Variants in KIF21A observed in about 807,000 individuals in gnomAD.
KIF21A encodes the protein kinesin family member 21A.
KIF21A carries 114 observed loss-of-function variants against 202.9 expected under a neutral mutation model. The ratio of observed to expected loss-of-function variants is 0.56; its 90% CI spans 0.48 to 0.66. The LOEUF is 0.66. KIF21A is among the 30% of genes least tolerant of loss of function. The pLI is 0.00. For synonymous variants in KIF21A, 667 were observed against 670.8 expected (o/e 0.99, Z 0.09); for missense variants, 1,677 against 1,994.9 (o/e 0.84, Z 3.04).
rs777605261 is a variant in KIF21A at position 39,333,225 on chromosome 12, C to T, written c.2474G>A (p.Arg825His). The change falls in exon 18 of 38, where the codon CGC (arginine) becomes CAC (histidine). Residue 825 changes from arginine to histidine, a missense_variant. Physicochemically the swap from Arg to His is conservative, Grantham distance 29. Around this residue, in one of 3 missense-constraint regions of KIF21A, gnomAD observed 966 missense variants for 1,180.9 expected, o/e 0.82. Transcript: ENST00000361418. ...QKRNQEVVLR[R>H]KTEEVTALRR... ...TGCTTACTGTACCTCTTCAGTTTTGCGACGTAGAACCACTTCTTGGTTTCT... is the reference window on the plus strand; with the variant it reads ...TGCTTACTGTACCTCTTCAGTTTTGTGACGTAGAACCACTTCTTGGTTTCT... 27 of 1,613,408 alleles carry T rather than the reference C, an allele frequency of 1.7e-5. No homozygotes were observed. The highest frequency in any genetic ancestry group is 6.7e-5 in the African/African-American group (5 of 74,890).
At chr12:39,344,907 C>G (rs577504227) in intron 12 of KIF21A, among the ~76,000 whole-genome samples, 1 of 152,156 alleles carries the variant, frequency 6.6e-6, no homozygotes, top group South Asian at 2.1e-4. Flanking sequence ...ATTTGACAAA[C>G]AAAAAGGGAA....
chr12:39,323,378 T>G (rs1945501928), intron 26 of KIF21A, among the ~76,000 whole-genome samples: 1 of 152,138 alleles, frequency 6.6e-6, no homozygotes, highest in Non-Finnish European at 1.5e-5. Context: ...AAAAGATAAT[T>G]GCAGGAAAGC....
At chr12:39,430,562 G>A (rs1284696399) in intron 1 of KIF21A, among the ~76,000 whole-genome samples, 15 of 146,328 alleles carry the variant, frequency 1.0e-4, no homozygotes, top group Admixed American at 1.0e-3. Context: ...GCAAGACTTC[G>A]TCTCAAAAAA....
intron 36 of KIF21A, among the ~76,000 whole-genome samples, chr12:39,301,945 G>A (rs1042141540): frequency 6.6e-6 from 1 of 152,092 alleles, no homozygotes; most frequent in Non-Finnish European, 1.5e-5. Flanking sequence ...AAAATACATA[G>A]AACTTTCGAG....
intron 28 of KIF21A, 36 bp downstream of exon 28, chr12:39,319,870 A>G: frequency 8.3e-7 from 1 of 1,198,758 alleles, no homozygotes; most frequent in Non-Finnish European, 1.2e-6. Context: ...CAGGCATTTA[A>G]TACAGTCTAG....
In KIF21A at chr12:39,429,436, A is replaced by C. The variant is rs1955012308; in HGVS notation, c.44+13491T>G. Among the ~76,000 whole-genome samples, 2 of 152,208 alleles carry C rather than the reference A, an allele frequency of 1.3e-5. 1 individual carries two copies. ...TCAAGGTCACATATTATCAAATATAAATGCACTATTATCATCCCTTTTCTT... is the reference window on the plus strand; with the variant it reads ...TCAAGGTCACATATTATCAAATATACATGCACTATTATCATCCCTTTTCTT... On this transcript the variant is annotated intron_variant, in intron 1 of 37. Coordinates refer to ENST00000361418, the MANE Select transcript of KIF21A (RefSeq NM_001173464.2).
intron 1 of KIF21A, among the ~76,000 whole-genome samples, chr12:39,410,779 AAAT>A (rs1048057088): frequency 6.6e-6 from 1 of 152,142 alleles, no homozygotes; most frequent in African/African-American, 2.4e-5. Flanking sequence ...AGAAACATCT[AAAT>A]AATAATAATA....
chr12:39,439,037 GATT>G lies in KIF21A; in HGVS notation c.44+3887_44+3889del, dbSNP rs1939206608. 2.6e-5 allele frequency among the ~76,000 whole-genome samples: 4 copies of G among 152,206 alleles called. No individual in the cohort carries two copies. In the South Asian group the frequency reaches 8.3e-4, roughly 31 times the overall value. ...ACATTTCCTAGGAAAACAGCTACCT[GATT>G]ATTGAGTCAAAATCCATACCTTCCT... is the stretch of plus-strand genomic sequence containing the variant. On this transcript the variant is annotated intron_variant, in intron 1 of 37. Coordinates refer to ENST00000361418, the MANE Select transcript of KIF21A (RefSeq NM_001173464.2).
At position 39,322,793 on chromosome 12, in the gene KIF21A, C is replaced by T; in HGVS notation, c.3546G>A (p.Leu1182=). ...ASDTSTGDAS[L]PGPLTPVAEG... is the part of the protein sequence containing the mutation. ...CTGCAACAGGTGTGAGAGGGCCAGG[C>T]AAGGAGGCATCTCCTGTACTAGTGT... The change falls in exon 27 of 38, where the codon TTG becomes TTA. Residue 1182 remains leucine, a synonymous_variant. Transcript: ENST00000361418. 6.2e-7 allele frequency: 1 copy of T among 1,614,028 alleles called. No individual in the cohort carries two copies.
At chr12:39,319,875 G>T (rs1429406015) in intron 28 of KIF21A, 31 bp downstream of exon 28, 1 of 1,237,416 alleles carries the variant, frequency 8.1e-7, no homozygotes, top group Non-Finnish European at 1.2e-6. Context: ...ATTTAATACA[G>T]TCTAGCAGGT....
intron 1 of KIF21A, among the ~76,000 whole-genome samples, chr12:39,375,929 A>G (rs1187588459): frequency 1.3e-5 from 2 of 152,156 alleles, no homozygotes; most frequent in African/African-American, 4.8e-5. Context: ...ATACTATGAG[A>G]CAATGAGAGC....
intron 34 of KIF21A, among the ~76,000 whole-genome samples, chr12:39,306,636 A>AC (rs1943502038): frequency 6.6e-6 from 1 of 152,152 alleles, no homozygotes; most frequent in Non-Finnish European, 1.5e-5. Context: ...GATGAGAGGC[A>AC]CCCCATATTA....
intron 20 of KIF21A, 76 bp from the exon 21 acceptor site, chr12:39,332,484 C>G (rs1946594166): frequency 6.6e-7 from 1 of 1,504,330 alleles, no homozygotes; most frequent in East Asian, 2.3e-5. Context: ...CCCCCCCACC[C>G]CCCAAAAAAA....
At chr12:39,329,294 T>C (rs1028997079) in intron 24 of KIF21A, among the ~76,000 whole-genome samples, 2 of 152,214 alleles carry the variant, frequency 1.3e-5, no homozygotes, top group Non-Finnish European at 2.9e-5. Context: ...AAATTGAAAT[T>C]TGTTTGAAAG....
chr12:39,304,178 TC>T (rs372212714), intron 35 of KIF21A, among the ~76,000 whole-genome samples: 15 of 152,222 alleles, frequency 9.9e-5, no homozygotes, highest in African/African-American at 3.6e-4. Context: ...CATTTCTTAA[TC>T]AAAGTTTCTA....
At chr12:39,326,746 T>C (rs1004389713) in intron 24 of KIF21A, among the ~76,000 whole-genome samples, 1 of 152,256 alleles carries the variant, frequency 6.6e-6, no homozygotes, top group Non-Finnish European at 1.5e-5. Flanking sequence ...GTAAATATAG[T>C]TGTTATACTT....
intron 34 of KIF21A, among the ~76,000 whole-genome samples, chr12:39,305,264 G>A (rs1943347907): frequency 6.6e-6 from 1 of 151,542 alleles, no homozygotes; most frequent in African/African-American, 2.4e-5. Flanking sequence ...TACTCAGGAG[G>A]CTGAGGCAGG....
At chr12:39,365,333 G>A (rs932636179) in intron 6 of KIF21A, among the ~76,000 whole-genome samples, 1 of 152,176 alleles carries the variant, frequency 6.6e-6, no homozygotes, top group African/African-American at 2.4e-5. Context: ...CTGGGCAGCA[G>A]GCAAAAAGAA....
chr12:39,367,131 G>A lies in KIF21A; in HGVS notation c.634C>T (p.Arg212Trp), dbSNP rs778195029. 1.2e-6 allele frequency: 2 copies of A among 1,613,812 alleles called. No individual in the cohort carries two copies. The change falls in exon 5 of 38, where the codon CGG becomes TGG. Residue 212 changes from arginine (R) to tryptophan (W), a missense_variant. Physicochemically the swap from Arg to Trp is moderately radical, Grantham distance 101. This residue lies in a region of KIF21A where 966 missense variants were observed against 1,180.9 expected (regional missense o/e 0.82). Transcript: ENST00000361418. ...MQCLKLGALS[R>W]TTASTQMNVQ... ...TTCATCTGGGTACTGGCAGTTGTCC[G>A]GGATAAAGCACCCAACTTCAAACAC...
Sources: gnomAD v4.1 joint callset for allele counts (sites outside exome capture counted in the v4.1 genomes callset) on GRCh38, gnomAD v4.1.1 for gene constraint, gnomAD v4.1.1 regional missense constraint, MANE v1.5 for transcripts, NCBI Gene and HGNC (gene_info 2026-07-23, HGNC 2026-07-21) for gene names.